SCHIP1: variants seen among roughly 807,000 people sequenced by gnomAD.
The protein encoded by SCHIP1 is schwannomin-interacting protein 1.
SCHIP1 carries 8 observed loss-of-function variants against 29.7 expected under a neutral mutation model. The observed-to-expected ratio is 0.27, with a 90% confidence interval of 0.16 to 0.49. SCHIP1 has a LOEUF of 0.49. Among genes scored for constraint, SCHIP1 ranks in the 20% least tolerant of loss-of-function variants. SCHIP1 has a pLI of 0.99. For missense variants in SCHIP1, 193 were observed against 294.6 expected, an observed-to-expected ratio of 0.66 and a Z score of 2.52; for synonymous variants, 76 against 94.9, an observed-to-expected ratio of 0.80 and a Z score of 1.16.
At chr3:159,765,897 C>T in the SCHIP1 span, among the ~76,000 whole-genome samples, 8 of 152,142 alleles carry the variant, frequency 5.3e-5, no homozygotes, top group African/African-American at 1.9e-4. Flanking sequence ...TTCAGGAAAG[C>T]CAGACAGGGA....
At chr3:159,410,942 C>A in the SCHIP1 span, among the ~76,000 whole-genome samples, 2 of 151,934 alleles carry the variant, frequency 1.3e-5, no homozygotes, top group Non-Finnish European at 2.9e-5. Context: ...ACTATGCAGC[C>A]GTGAAGAAGA....
chr3:159,519,076 A>C, the SCHIP1 span, among the ~76,000 whole-genome samples: 4 of 152,152 alleles, frequency 2.6e-5, no homozygotes, highest in African/African-American at 9.6e-5. Flanking sequence ...CAAACAAAGC[A>C]ATAGTTAATA....
the SCHIP1 span, among the ~76,000 whole-genome samples, chr3:159,631,774 T>C: frequency 6.6e-6 from 1 of 152,296 alleles, no homozygotes; most frequent in South Asian, 2.1e-4. Context: ...ATGAATGTAT[T>C]TCGTGCCACT....
the SCHIP1 span, among the ~76,000 whole-genome samples, chr3:159,473,674 GAAAAAAA>G: frequency 9.8e-5 from 8 of 81,444 alleles, no homozygotes; most frequent in South Asian, 4.3e-4. Flanking sequence ...ATGTAACTAC[GAAAAAAA>G]AAAAAAAAAA....
At chr3:159,693,802 G>A in the SCHIP1 span, among the ~76,000 whole-genome samples, 1 of 152,168 alleles carries the variant, frequency 6.6e-6, no homozygotes, top group African/African-American at 2.4e-5. Flanking sequence ...CAAAACTATA[G>A]AGCCTTCTTA....
At chr3:159,314,679 C>A in the SCHIP1 span, among the ~76,000 whole-genome samples, 1 of 152,170 alleles carries the variant, frequency 6.6e-6, no homozygotes, top group Admixed American at 6.5e-5. Flanking sequence ...CAGGAAAGAA[C>A]CTGGATCTTT....
chr3:159,765,075 C>A, the SCHIP1 span: 1 of 1,568,554 alleles, frequency 6.4e-7, no homozygotes, highest in African/African-American at 1.4e-5. Flanking sequence ...AGCATCTGGC[C>A]GGGCTGCAGT....
chr3:159,362,714 G>A, the SCHIP1 span, among the ~76,000 whole-genome samples: 2 of 152,170 alleles, frequency 1.3e-5, no homozygotes, highest in Non-Finnish European at 2.9e-5. Context: ...CCCCGGCCAT[G>A]AGCCTGTCAT....
the SCHIP1 span, among the ~76,000 whole-genome samples, chr3:159,344,407 C>G: frequency 3.3e-5 from 5 of 151,324 alleles, no homozygotes; most frequent in Admixed American, 2.6e-4. Context: ...AGTGGAGAAA[C>G]CTGACAAACA....
chr3:159,718,145 A>G, the SCHIP1 span, among the ~76,000 whole-genome samples: 3 of 152,218 alleles, frequency 2.0e-5, no homozygotes, highest in Non-Finnish European at 4.4e-5. Flanking sequence ...GATTATCTCA[A>G]TAGATGCAGA....
chr3:159,712,532 C>T, the SCHIP1 span, among the ~76,000 whole-genome samples: 1 of 150,346 alleles, frequency 6.7e-6, no homozygotes, highest in Admixed American at 6.6e-5. Flanking sequence ...GCCTGAACAA[C>T]ATAGAGAGAC....
At chr3:159,867,272 C>A (rs914012346) in intron 2 of SCHIP1, among the ~76,000 whole-genome samples, 3 of 152,322 alleles carry the variant, frequency 2.0e-5, no homozygotes, top group African/African-American at 7.2e-5. Context: ...ATTTTACCAT[C>A]TTAAGCTAGG....
chr3:159,500,737 C>T, the SCHIP1 span, among the ~76,000 whole-genome samples: 883 of 151,642 alleles, frequency 5.8e-3, 8 homozygotes, highest in African/African-American at 0.02. Flanking sequence ...AAAAAAGAGA[C>T]CAAAAATATT....
the SCHIP1 span, among the ~76,000 whole-genome samples, chr3:159,382,479 T>C: frequency 6.6e-6 from 1 of 151,992 alleles, no homozygotes; most frequent in Non-Finnish European, 1.5e-5. Context: ...GGTGTATATG[T>C]GCCACATTTT....
chr3:159,445,164 TCAAA>T, the SCHIP1 span, among the ~76,000 whole-genome samples: 2 of 151,836 alleles, frequency 1.3e-5, no homozygotes, highest in African/African-American at 4.8e-5. Context: ...TACAATGAAC[TCAAA>T]CAAATTTACA....
chr3:159,854,707 C>G (rs1212551311), intron 1 of SCHIP1, among the ~76,000 whole-genome samples: 1 of 152,222 alleles, frequency 6.6e-6, no homozygotes, highest in Non-Finnish European at 1.5e-5. Flanking sequence ...GTAGCCATCT[C>G]ATACTTCTGC....
the SCHIP1 span, among the ~76,000 whole-genome samples, chr3:159,428,639 G>T: frequency 6.7e-6 from 1 of 150,166 alleles, no homozygotes; most frequent in Non-Finnish European, 1.5e-5. Flanking sequence ...TCAGTGTGGC[G>T]ATTCCTCAGG....
At chr3:159,638,667 C>T in the SCHIP1 span, among the ~76,000 whole-genome samples, 2 of 151,026 alleles carry the variant, frequency 1.3e-5, no homozygotes, top group African/African-American at 4.9e-5. Flanking sequence ...CATTTGATAG[C>T]GTTATGTTGT....
the SCHIP1 span, among the ~76,000 whole-genome samples, chr3:159,600,176 A>C: frequency 1.3e-5 from 2 of 152,190 alleles, no homozygotes; most frequent in African/African-American, 2.4e-5. Flanking sequence ...GATTCTGATT[A>C]TAACATACCA....
Sources: gnomAD v4.1 joint callset for allele counts (sites outside exome capture counted in the v4.1 genomes callset) on GRCh38, gnomAD v4.1.1 for gene constraint, MANE v1.5 for transcripts, NCBI Gene and HGNC (gene_info 2026-07-23, HGNC 2026-07-21) for gene names.